RGPD3: variants seen among roughly 807,000 people sequenced by gnomAD.
RGPD3 encodes RANBP2 like and GRIP domain containing 3.
RGPD3 carries 62 observed loss-of-function variants against 154.5 expected under a neutral mutation model. The observed-to-expected ratio is 0.40, with a 90% CI of 0.33 to 0.50. RGPD3 has a LOEUF of 0.50. Among genes scored for constraint, RGPD3 ranks in the 20% least tolerant of loss-of-function variants. The probability of loss-of-function intolerance (pLI) is 0.59; values close to 1 mark genes in which losing one functional copy is unlikely to be tolerated. For synonymous variants in RGPD3, 308 were observed against 607.0 expected (o/e 0.51, Z 7.24); for missense variants, 919 against 1,716.8 (o/e 0.54, Z 8.21).
intron 1 of RGPD3, among the ~76,000 whole-genome samples, chr2:106,463,270 T>G (rs1678457158): frequency 6.6e-6 from 1 of 151,556 alleles, no homozygotes; most frequent in African/African-American, 2.4e-5. Flanking sequence ...TACCATTAGT[T>G]TCCAGACCAG....
At chr2:106,430,524 T>C (rs1386136660) in intron 17 of RGPD3, among the ~76,000 whole-genome samples, 191 of 149,006 alleles carry the variant, frequency 1.3e-3, no homozygotes, top group African/African-American at 4.3e-3. Flanking sequence ...TACACTGCAA[T>C]CTGGACTACC....
intron 22 of RGPD3, among the ~76,000 whole-genome samples, chr2:106,408,833 C>T (rs1430945195): frequency 1.3e-5 from 2 of 151,722 alleles, no homozygotes; most frequent in Non-Finnish European, 2.9e-5. Context: ...ACTATGGGCA[C>T]ATGCCACCAG....
intron 1 of RGPD3, among the ~76,000 whole-genome samples, chr2:106,465,922 T>C (rs1158966102): frequency 1.3e-5 from 2 of 151,914 alleles, no homozygotes; most frequent in Admixed American, 1.3e-4. Flanking sequence ...CTGAGATGCC[T>C]ACCTTGTCAC....
At chr2:106,466,355 GAGGCCGCCGCCGGGCCGGGTCC>G in intron 1 of RGPD3, among the ~76,000 whole-genome samples, 4 of 149,976 alleles carry the variant, frequency 2.7e-5, no homozygotes, top group African/African-American at 9.8e-5. Context: ...CTGAGCCATC[GAGGCCGCCGCCGGGCCGGGTCC>G]AGGCCACCGC....
Position 106,424,648 on chromosome 2 carries a change from T to A in RGPD3, c.3319A>T (p.Lys1107Ter), listed in dbSNP as rs778270432. 1.2e-6 allele frequency: 2 copies of A among 1,612,008 alleles called. No individual in the cohort carries two copies. The highest frequency in any genetic ancestry group is 1.7e-6 in the Non-Finnish European group (2 of 1,179,854). ...RMLMQREQVLKVCANHWITTT... is the reference protein window; with the variant it reads ...RMLMQREQVL ...GTTATCCAATGATTAGCACACACTT[T>A]TAGTACTTGTTCTCTTTGCATCAGC... Residue 1107 changes from lysine (K) to a stop codon, truncating the protein, a stop_gained, in exon 20 of 23, where the codon AAA (lysine) becomes TAA (stop). Transcript: ENST00000409886. LOFTEE classifies it high-confidence loss of function.
At chr2:106,443,414 C>T (rs1677819772) in intron 7 of RGPD3, among the ~76,000 whole-genome samples, 1 of 151,214 alleles carries the variant, frequency 6.6e-6, no homozygotes, top group African/African-American at 2.4e-5. Flanking sequence ...GATTTATGAA[C>T]CTAAAAGCTT....
chr2:106,428,729 G>A (rs543550451), intron 18 of RGPD3, among the ~76,000 whole-genome samples: 33 of 151,456 alleles, frequency 2.2e-4, no homozygotes, highest in African/African-American at 7.0e-4. Context: ...CATTTCAGAA[G>A]TCTGTCGTAC....
At chr2:106,465,708 C>T (rs1213411048) in intron 1 of RGPD3, among the ~76,000 whole-genome samples, 4 of 150,884 alleles carry the variant, frequency 2.7e-5, no homozygotes, top group Non-Finnish European at 5.9e-5. Context: ...GCCATACTAA[C>T]GATTTGTAAG....
chr2:106,421,897 C>A (rs1464335747), intron 20 of RGPD3, among the ~76,000 whole-genome samples: 1 of 151,266 alleles, frequency 6.6e-6, no homozygotes, highest in Non-Finnish European at 1.5e-5. Flanking sequence ...AAAAACAAAC[C>A]AACAAGGGTG....
intron 17 of RGPD3, among the ~76,000 whole-genome samples, chr2:106,430,468 A>T (rs1455678368): frequency 2.0e-5 from 3 of 146,742 alleles, no homozygotes; most frequent in African/African-American, 7.5e-5. Flanking sequence ...CCCAACTTTC[A>T]CAGTCCTCTA....
At position 106,457,011 on chromosome 2, in the gene RGPD3, G is replaced by A. The variant is rs770267514; in HGVS notation, c.365C>T (p.Ala122Val). Residue 122 changes from alanine to valine, a missense_variant, in exon 4 of 23, where the codon GCA becomes GTA. By Grantham distance (64) the Ala-to-Val change is moderately conservative (BLOSUM62 0). Coordinates refer to ENST00000409886, the MANE Select transcript of RGPD3 (RefSeq NM_001144013.2). ...GRAEYWVERAAKLFPGSPAIY... is the reference protein window; with the variant it reads ...GRAEYWVERAVKLFPGSPAIY... ...TGCAGGACTTCCTGGGAAAAGTTTTGCTGCTCTTTCCACCCAGTATTCTGC... is the reference window on the plus strand; with the variant it reads ...TGCAGGACTTCCTGGGAAAAGTTTTACTGCTCTTTCCACCCAGTATTCTGC... 6.2e-7 allele frequency: 1 copy of A among 1,611,240 alleles called. No homozygotes were observed. The highest frequency in any genetic ancestry group is 1.3e-5 in the African/African-American group (1 of 74,804).
chr2:106,466,462 G>A lies in RGPD3; in HGVS notation c.72+1755C>T, dbSNP rs372568216. Among the ~76,000 whole-genome samples, 695 of 14,918 alleles carry A rather than the reference G, an allele frequency of 0.047. 44 individuals are homozygous for A. The East Asian group carries it at 0.54, about 12-fold the overall frequency. 9.8% of individuals were successfully genotyped at this position (14,918 alleles called of 152,430 possible). On this transcript the variant is annotated intron_variant, in intron 1 of 22. Coordinates refer to ENST00000409886, the MANE Select transcript of RGPD3 (RefSeq NM_001144013.2). ...GAGCCATCGAGGCCGCCGCTGGGCCGGGTCGAGGCCGGCGCCTCAACAGAG... is the reference window on the plus strand; with the variant it reads ...GAGCCATCGAGGCCGCCGCTGGGCCAGGTCGAGGCCGGCGCCTCAACAGAG...
intron 21 of RGPD3, among the ~76,000 whole-genome samples, chr2:106,414,230 G>A (rs1403141219): frequency 6.6e-6 from 1 of 152,018 alleles, no homozygotes; most frequent in Admixed American, 6.6e-5. Flanking sequence ...TTTTAGGTTA[G>A]GCAAGAAAGT....
intron 1 of RGPD3, among the ~76,000 whole-genome samples, chr2:106,464,130 G>A (rs982454572): frequency 3.9e-5 from 6 of 152,074 alleles, no homozygotes; most frequent in South Asian, 2.1e-4. Flanking sequence ...CGGATCATGA[G>A]GTCAGGAGAT....
At chr2:106,454,931 CA>C (rs1290858561) in intron 4 of RGPD3, among the ~76,000 whole-genome samples, 1 of 152,176 alleles carries the variant, frequency 6.6e-6, no homozygotes, top group East Asian at 1.9e-4. Context: ...TTTTCAGCTT[CA>C]AAAATCTGGA....
At chr2:106,467,101 A>T in intron 1 of RGPD3, among the ~76,000 whole-genome samples, 1 of 81,348 alleles carries the variant, frequency 1.2e-5, no homozygotes, top group African/African-American at 4.1e-5. Flanking sequence ...CCGCAGGGCC[A>T]GGTCGAGGCC....
chr2:106,468,074 G>T, intron 1 of RGPD3, 143 bp downstream of exon 1: 5 of 1,096,866 alleles, frequency 4.6e-6, no homozygotes, highest in Non-Finnish European at 4.8e-6. Context: ...GGGCCAGGTC[G>T]AGGCCGCCGC....
At chr2:106,410,406 T>C (rs1326749710) in intron 22 of RGPD3, among the ~76,000 whole-genome samples, 10 of 152,162 alleles carry the variant, frequency 6.6e-5, no homozygotes, top group Middle Eastern at 3.4e-3. Context: ...CTCTATGAAA[T>C]TCTTTAAAAA....
At position 106,403,751 on chromosome 2, in the gene RGPD3, T is replaced by C. The variant is rs1676429525; in HGVS notation, c.*1468A>G. The stretch of plus-strand genomic sequence containing the variant: ...CATTCGCTAGTTAGGTCTGTTCTTC[T>C]AAGGAGGAAAGACGAGATATATGAG... On this transcript the variant is annotated 3_prime_UTR_variant, in exon 23 of 23. Coordinates refer to ENST00000409886, the MANE Select transcript of RGPD3 (RefSeq NM_001144013.2). Among the ~76,000 whole-genome samples the C allele has an allele frequency of 6.6e-6, 1 of 152,278 alleles. No homozygotes were observed.
Sources: gnomAD v4.1 joint callset for allele counts (sites outside exome capture counted in the v4.1 genomes callset) on GRCh38, gnomAD v4.1.1 for gene constraint, MANE v1.5 for transcripts, NCBI Gene and HGNC (gene_info 2026-07-23, HGNC 2026-07-21) for gene names.